Variants in ORMDL3 observed in about 807,000 individuals in gnomAD.
ORMDL3 encodes ORM1-like protein 3.
Under a neutral mutation model 12.6 loss-of-function variants are expected in ORMDL3, and 6 were observed. The ratio of observed to expected loss-of-function variants is 0.48; its 90% CI spans 0.26 to 0.94. The LOEUF is 0.94. Ranked by LOEUF, ORMDL3 falls within the 40% of genes least tolerant of loss-of-function variation. The pLI is 0.14. For missense variants in ORMDL3, 159 were observed against 205.5 expected (o/e 0.77, Z 1.38); for synonymous variants, 99 against 87.2 (o/e 1.14, Z -0.75).
rs1978500174 is a variant in ORMDL3 at position 39,927,506 on chromosome 17, G to A, written c.-45C>T. The A allele has an allele frequency of 1.0e-6, 1 of 985,348 alleles. No individual in the cohort carries two copies. Among genetic ancestry groups the A allele is most frequent in the Non-Finnish European group, 1.2e-6 (1 of 829,922 alleles). The allele number at this position is 985,348 out of a possible 1,614,324, so 61.0% of individuals were successfully genotyped here. A position where few individuals can be genotyped will look rare whatever the true frequency, so the allele number is the denominator to read the frequency against. On this transcript the variant is annotated 5_prime_UTR_variant, in exon 1 of 4. Coordinates refer to ENST00000304046, the MANE Select transcript of ORMDL3 (RefSeq NM_139280.4). ...CACCGTGTGGGGCCGAAGATCAACG[G>A]CCCGGGAACGGTTCCCGGGAGCGGG...
chr17:39,924,002 CA>C (rs754566870), intron 2 of ORMDL3, 27 bp downstream of exon 2: 4 of 1,567,534 alleles, frequency 2.6e-6, no homozygotes, highest in Non-Finnish European at 3.5e-6. Flanking sequence ...GGGGCAGGGG[CA>C]GGGGCAGGCA....
intron 2 of ORMDL3, 123 bp downstream of exon 2, chr17:39,923,907 C>T (rs537452141): frequency 1.4e-5 from 14 of 1,010,548 alleles, no homozygotes; most frequent in African/African-American, 6.5e-5. Context: ...AGGCAGATGT[C>T]GTCAGTACAT....
Position 39,922,390 on chromosome 17 carries a change from G to A in ORMDL3, c.*160C>T, listed in dbSNP as rs921007068. 44 of 890,378 alleles carry A rather than the reference G, an allele frequency of 4.9e-5. No homozygotes were observed. Among genetic ancestry groups the A allele is most frequent in the Non-Finnish European group, 7.3e-5 (43 of 590,272 alleles). The allele number at this position is 890,378 out of a possible 1,614,324, so 55.2% of individuals were successfully genotyped here. ...CCAACCCCACTACAAGCTACTCCAA[G>A]TTGGCTACTGGGGGAAGCGAGGGGG... On this transcript the variant is annotated 3_prime_UTR_variant, in exon 4 of 4. Coordinates refer to ENST00000304046, the MANE Select transcript of ORMDL3 (RefSeq NM_139280.4).
At position 39,927,490 on chromosome 17, in the gene ORMDL3, G is replaced by A. The variant is rs756978156; in HGVS notation, c.-29C>T. ...TGGTTCCTTCCGGGCTCACCGTGTG[G>A]GGCCGAAGATCAACGGCCCGGGAAC... On this transcript the variant is annotated 5_prime_UTR_variant, in exon 1 of 4. Coordinates refer to ENST00000304046, the MANE Select transcript of ORMDL3 (RefSeq NM_139280.4). 1.5e-5 allele frequency: 15 copies of A among 985,248 alleles called. No individual in the cohort carries two copies. Among genetic ancestry groups the A allele is most frequent in the Non-Finnish European group, 1.8e-5 (15 of 829,934 alleles). The allele number at this position is 985,248 out of a possible 1,614,324, so 61.0% of individuals were successfully genotyped here.
chr17:39,924,803 G>A (rs1237309693), intron 1 of ORMDL3: 6 of 152,560 alleles, frequency 3.9e-5, no homozygotes, highest in Non-Finnish European at 5.9e-5. Flanking sequence ...CAACTTAGGA[G>A]GACTGATCAG....
chr17:39,922,432 C>A lies in ORMDL3; in HGVS notation c.*118G>T, dbSNP rs1346745088. ...GCGAGGGGGGAAATTAGGCCAGAGG[C>A]TCAACCCCCATCTCTGGCAGTGTCC... On this transcript the variant is annotated 3_prime_UTR_variant, in exon 4 of 4. Transcript: ENST00000304046. The A allele has an allele frequency of 1.6e-5, 20 of 1,273,250 alleles. 1 individual carries two copies. Among genetic ancestry groups the A allele is most frequent in the East Asian group, 5.0e-5 (2 of 40,348 alleles). The allele number at this position is 1,273,250 out of a possible 1,614,324, so 78.9% of individuals were successfully genotyped here. A position where few individuals can be genotyped will look rare whatever the true frequency, so the allele number is the denominator to read the frequency against.
At position 39,924,146 on chromosome 17, in the gene ORMDL3, G is replaced by A. The variant is rs745343136; in HGVS notation, c.58C>T (p.Arg20Cys). The stretch of plus-strand genomic sequence containing the variant: ...AGCACGTAGGAGAGCCAGATGCCAC[G>A]GCTGTTCATCACCCGCGTGTTGGGG... ...VNPNTRVMNS[R>C]GIWLSYVLAI... The change falls in exon 2 of 4, where the codon CGT becomes TGT. Residue 20 changes from arginine (R) to cysteine (C), a missense_variant. Arg to Cys is a radical substitution (Grantham distance 180). Coordinates refer to ENST00000304046, the MANE Select transcript of ORMDL3 (RefSeq NM_139280.4). 1.2e-6 allele frequency: 2 copies of A among 1,614,110 alleles called. No homozygotes were observed. Among genetic ancestry groups the A allele is most frequent in the South Asian group, 2.2e-5 (2 of 91,086 alleles).
Position 39,924,098 on chromosome 17 carries a change from C to T in ORMDL3, c.106G>A (p.Val36Met), listed in dbSNP as rs1200430585. The T allele has an allele frequency of 1.9e-6, 3 of 1,613,916 alleles. No individual in the cohort carries two copies. Among genetic ancestry groups the T allele is most frequent in the Non-Finnish European group, 2.5e-6 (3 of 1,179,968 alleles). Residue 36 changes from valine to methionine, a missense_variant, in exon 2 of 4, where the codon GTG becomes ATG. Transcript: ENST00000304046. ...YVLAIGLLHI[V>M]LLSIPFVSVP... ...CTCACAAACGGGATGCTCAGCAGCA[C>T]GATGTGGAGGAGACCGATGGCCAGC...
At chr17:39,922,722 G>A in intron 3 of ORMDL3, 37 bp from the exon 4 acceptor site, 3 of 1,602,922 alleles carry the variant, frequency 1.9e-6, no homozygotes, top group Non-Finnish European at 2.6e-6. Flanking sequence ...ATAAAAGACT[G>A]TTGGGAGGAC....
chr17:39,924,342 CTT>C (rs1978324359), intron 1 of ORMDL3, 117 bp from the exon 2 acceptor site: 4 of 923,422 alleles, frequency 4.3e-6, no homozygotes, highest in Middle Eastern at 2.5e-4. Context: ...CAGTTCCACT[CTT>C]TTGATTCTGA....
At chr17:39,923,057 G>T in intron 3 of ORMDL3, 55 bp downstream of exon 3, 1 of 1,604,864 alleles carries the variant, frequency 6.2e-7, no homozygotes, top group East Asian at 2.2e-5. Flanking sequence ...TGGGCCCTGG[G>T]GTCCTCCAGG....
At chr17:39,924,357 C>G in intron 1 of ORMDL3, 132 bp from the exon 2 acceptor site, 2 of 843,240 alleles carry the variant, frequency 2.4e-6, no homozygotes, top group Non-Finnish European at 1.8e-6. Context: ...GATTCTGAAG[C>G]ATGGAAAGTG....
rs777644973 is a variant in ORMDL3 at position 39,922,391 on chromosome 17, T to C, written c.*159A>G. ...CAACCCCACTACAAGCTACTCCAAGTTGGCTACTGGGGGAAGCGAGGGGGG... is the reference window on the plus strand; with the variant it reads ...CAACCCCACTACAAGCTACTCCAAGCTGGCTACTGGGGGAAGCGAGGGGGG... On this transcript the variant is annotated 3_prime_UTR_variant, in exon 4 of 4. Coordinates refer to ENST00000304046, the MANE Select transcript of ORMDL3 (RefSeq NM_139280.4). 9 of 891,480 alleles carry C rather than the reference T, an allele frequency of 1.0e-5. No homozygotes were observed. The highest frequency in any genetic ancestry group is 5.2e-5 in the South Asian group (3 of 57,410). 55.2% of individuals were successfully genotyped at this position (891,480 alleles called of 1,614,324 possible).
chr17:39,923,003 T>TTCA (rs1978308348), intron 3 of ORMDL3, 109 bp downstream of exon 3: 30 of 1,417,484 alleles, frequency 2.1e-5, no homozygotes, highest in Non-Finnish European at 2.5e-5. Context: ...ACTTCCTCTG[T>TTCA]TCATCCCTAC....
Position 39,922,670 on chromosome 17 carries a change from G to GCTAAGTAC in ORMDL3, c.341_342insGTACTTAG (p.Ser114ArgfsTer21). On this transcript the variant is annotated frameshift_variant, in exon 4 of 4. Coordinates refer to ENST00000304046, the MANE Select transcript of ORMDL3 (RefSeq NM_139280.4). LOFTEE classifies it high-confidence loss of function. ...GGATCTGGTCGTACTTAGTGTAGAA[G>GCTAAGTAC]CTGGTGAGGAAGTACCTGGGAGGGG... is the stretch of plus-strand genomic sequence containing the variant. 1 of 1,613,894 alleles carries GCTAAGTAC rather than the reference G, an allele frequency of 6.2e-7. No homozygotes were observed.
In ORMDL3 at chr17:39,922,663, T is replaced by C; in HGVS notation, c.349A>G (p.Thr117Ala). 1 of 1,613,622 alleles carries C rather than the reference T, an allele frequency of 6.2e-7. No homozygotes were observed. The highest frequency in any genetic ancestry group is 8.5e-7 in the Non-Finnish European group (1 of 1,179,930). ...IVLYFLTSFY[T>A]KYDQIHFVLN... ...ACAAAATGGATCTGGTCGTACTTAG[T>C]GTAGAAGCTGGTGAGGAAGTACCTG... The change falls in exon 4 of 4, where the codon ACT (threonine) becomes GCT (alanine). Residue 117 changes from threonine (T) to alanine (A), a missense_variant. By Grantham distance (58) the Thr-to-Ala change is moderately conservative (BLOSUM62 0). Transcript: ENST00000304046.
rs1020028296 is a variant in ORMDL3, at chr17:39,927,066, C to G, written c.-23+418G>C. The G allele has an allele frequency of 4.9e-5, 46 of 944,322 alleles. No individual in the cohort carries two copies. The African/African-American group carries it at 5.9e-4, about 12-fold the overall frequency. The allele number at this position is 944,322 out of a possible 1,614,324, so 58.5% of individuals were successfully genotyped here. The stretch of plus-strand genomic sequence containing the variant: ...GAGGAGCGAAGAGGCGGAGTCCTCA[C>G]TGTTGTTGGGGTTTTCTGAGTGAGA... On this transcript the variant is annotated intron_variant, in intron 1 of 3. Coordinates refer to ENST00000304046, the MANE Select transcript of ORMDL3 (RefSeq NM_139280.4).
At chr17:39,924,618 T>TG (rs1369912073) in intron 1 of ORMDL3, 1 of 172,596 alleles carries the variant, frequency 5.8e-6, no homozygotes, top group Non-Finnish European at 1.2e-5. Flanking sequence ...GCACAACCCC[T>TG]GCTGGACTGT....
intron 1 of ORMDL3, chr17:39,925,303 T>G (rs941675245): frequency 1.3e-5 from 2 of 152,162 alleles, no homozygotes; most frequent in Non-Finnish European, 2.9e-5. Flanking sequence ...CAGAGGGAAG[T>G]AGAGAAGGAA....
Sources: gnomAD v4.1 joint callset for allele counts on GRCh38, gnomAD v4.1.1 for gene constraint, MANE v1.5 for transcripts, NCBI Gene and HGNC (gene_info 2026-07-23, HGNC 2026-07-21) for gene names.